MFSD6: variants seen among roughly 807,000 people sequenced by gnomAD.
MFSD6 encodes major facilitator superfamily domain containing 6.
MFSD6 carries 26 observed loss-of-function variants against 56.3 expected under a neutral mutation model. The ratio of observed to expected loss-of-function variants is 0.46; its 90% CI spans 0.34 to 0.64. The LOEUF (loss-of-function observed/expected upper bound fraction) is 0.64, where lower values mean the gene tolerates loss of function less well. Ranked by LOEUF, MFSD6 falls within the 30% of genes least tolerant of loss-of-function variation. The probability of loss-of-function intolerance (pLI) is 0.01; values close to 1 mark genes in which losing one functional copy is unlikely to be tolerated. For synonymous variants in MFSD6, 331 were observed against 366.9 expected (o/e 0.90, Z 1.12); for missense variants, 750 against 986.2 (o/e 0.76, Z 3.21).
rs1685990442 is a variant in MFSD6, at chr2:190,431,368, G to A, written c.-53-4609G>A. Among the ~76,000 whole-genome samples the A allele has an allele frequency of 6.6e-6, 1 of 152,228 alleles. No individual in the cohort carries two copies. Among genetic ancestry groups the A allele is most frequent in the Non-Finnish European group, 1.5e-5 (1 of 68,038 alleles). On this transcript the variant is annotated intron_variant, in intron 2 of 7. Transcript: ENST00000392328. The surrounding 1 kb of genome is among the most constrained non-coding windows in gnomAD (Gnocchi z 4.4). ...CCAAGGCAGGCAGCTGGGAGGTGGA[G>A]GTTGTAGCGAGCCGAGATCACCCCA...
rs1404848482 is a variant in MFSD6 at position 190,471,553 on chromosome 2, G to A, written c.1630+1698G>A. On this transcript the variant is annotated intron_variant, in intron 4 of 7. Transcript: ENST00000392328. The surrounding 1 kb of genome is among the most constrained non-coding windows in gnomAD (Gnocchi z 4.7). ...CAGTGAGGCTGGGGGAGGGGCACCC[G>A]CCATTGCTGAGGCTTGAGTAGGTAA... Among the ~76,000 whole-genome samples, 3 of 152,208 alleles carry A rather than the reference G, an allele frequency of 2.0e-5. No individual in the cohort carries two copies. Among genetic ancestry groups the A allele is most frequent in the African/African-American group, 4.8e-5 (2 of 41,462 alleles).
chr2:190,431,521 A>C lies in MFSD6; in HGVS notation c.-53-4456A>C, dbSNP rs1025529177. Reference sequence around the variant, plus strand: ...AGCTGGAGACTAGCCCGGCCAACACAGCGAAACCCCGTCTCCACCAAAAAA... The same window carrying C: ...AGCTGGAGACTAGCCCGGCCAACACCGCGAAACCCCGTCTCCACCAAAAAA... On this transcript the variant is annotated intron_variant, in intron 2 of 7. Coordinates refer to ENST00000392328, the MANE Select transcript of MFSD6 (RefSeq NM_017694.4). The surrounding 1 kb of genome is among the most constrained non-coding windows in gnomAD (Gnocchi z 4.4). Among the ~76,000 whole-genome samples the C allele has an allele frequency of 1.3e-5, 2 of 152,226 alleles. No homozygotes were observed. Among genetic ancestry groups the C allele is most frequent in the African/African-American group, 2.4e-5 (1 of 41,464 alleles).
Position 190,423,321 on chromosome 2 carries a change from CCTGT to C in MFSD6, c.-54+7911_-54+7914del, listed in dbSNP as rs1336163000. 2.0e-5 allele frequency among the ~76,000 whole-genome samples: 3 copies of C among 152,184 alleles called. No individual in the cohort carries two copies. The highest frequency in any genetic ancestry group is 4.4e-5 in the Non-Finnish European group (3 of 68,026). On this transcript the variant is annotated intron_variant, in intron 2 of 7. Transcript: ENST00000392328. The surrounding 1 kb of genome is among the most constrained non-coding windows in gnomAD (Gnocchi z 4.3). ...CTCTCTAGTGAATTCCTGGCAATCA[CCTGT>C]CTATCTCTATTTCAATGATGTTGTC... is the stretch of plus-strand genomic sequence containing the variant.
In MFSD6 at chr2:190,469,719, C is replaced by CT. The variant is rs777569268; in HGVS notation, c.1533-31dup. The CT allele has an allele frequency of 5.1e-5, 60 of 1,178,632 alleles. No homozygotes were observed. The highest frequency in any genetic ancestry group is 1.3e-4 in the South Asian group (6 of 46,254). 73.0% of individuals were successfully genotyped at this position (1,178,632 alleles called of 1,614,324 possible). On this transcript the variant is annotated intron_variant, in intron 3 of 7. Coordinates refer to ENST00000392328, the MANE Select transcript of MFSD6 (RefSeq NM_017694.4). The surrounding 1 kb of genome is among the most constrained non-coding windows in gnomAD (Gnocchi z 5.3). ...TAGGGACTCAGTTTATTTTCCTTTG[C>CT]TTTTTTTTATTTTATTTTTATTTTT...
In MFSD6 at chr2:190,462,581, C is replaced by T. The variant is rs1453328048; in HGVS notation, c.1533-7177C>T. 6.6e-6 allele frequency among the ~76,000 whole-genome samples: 1 copy of T among 152,162 alleles called. No individual in the cohort carries two copies. The highest frequency in any genetic ancestry group is 2.4e-5 in the African/African-American group (1 of 41,440). ...ACATGGCCGTTGTCTCCCAGGGTCT[C>T]AGTCTTCAGTGTGCAACAGACTGTG... is the stretch of plus-strand genomic sequence containing the variant. On this transcript the variant is annotated intron_variant, in intron 3 of 7. Coordinates refer to ENST00000392328, the MANE Select transcript of MFSD6 (RefSeq NM_017694.4). The surrounding 1 kb of genome is among the most constrained non-coding windows in gnomAD (Gnocchi z 5.7).
At position 190,463,483 on chromosome 2, in the gene MFSD6, G is replaced by GA. The variant is rs199852768; in HGVS notation, c.1533-6266dup. 2.6e-3 allele frequency among the ~76,000 whole-genome samples: 391 copies of GA among 152,068 alleles called. 2 individuals are homozygous for GA. The highest frequency in any genetic ancestry group is 8.8e-3 in the African/African-American group (366 of 41,512). On this transcript the variant is annotated intron_variant, in intron 3 of 7. Transcript: ENST00000392328. This position sits in a 1 kb window ranked among gnomAD's most constrained non-coding sequence, Gnocchi z 4.4. Reference sequence around the variant, plus strand: ...CTAGGAAGACATCTATAACAATTCTGAAAAAAAAATTTTTTTTAGGGACAA... The same window carrying GA: ...CTAGGAAGACATCTATAACAATTCTGAAAAAAAAAATTTTTTTTAGGGACAA...
intron 3 of MFSD6, among the ~76,000 whole-genome samples, chr2:190,440,316 C>A (rs778455700): frequency 6.6e-6 from 1 of 152,206 alleles, no homozygotes; most frequent in Non-Finnish European, 1.5e-5. Context: ...TCTAAACACA[C>A]ACACATAGAG....
At chr2:190,414,289 G>A (rs565587053) in intron 1 of MFSD6, among the ~76,000 whole-genome samples, 2 of 152,152 alleles carry the variant, frequency 1.3e-5, no homozygotes, top group Non-Finnish European at 2.9e-5. Flanking sequence ...ATAAAGAAGC[G>A]CTGTGTTCTT....
Position 190,489,555 on chromosome 2 carries a change from C to G in MFSD6, c.1793-213C>G, listed in dbSNP as rs1040427673. ...TCCTATATAAATGCAGTTTTATAAT[C>G]GATCAATGACAGATCCAATATCAGC... On this transcript the variant is annotated intron_variant, in intron 5 of 7. Transcript: ENST00000392328. This position sits in a 1 kb window ranked among gnomAD's most constrained non-coding sequence, Gnocchi z 6.6. Among the ~76,000 whole-genome samples the G allele has an allele frequency of 6.6e-6, 1 of 152,174 alleles. No individual in the cohort carries two copies. The highest frequency in any genetic ancestry group is 2.4e-5 in the African/African-American group (1 of 41,446).
At chr2:190,414,414 T>C (rs530113620) in intron 1 of MFSD6, among the ~76,000 whole-genome samples, 2 of 152,240 alleles carry the variant, frequency 1.3e-5, no homozygotes, top group Non-Finnish European at 2.9e-5. Context: ...TGAACAAATA[T>C]GCCCCAATTC....
At chr2:190,432,280 T>C (rs1686030700) in intron 2 of MFSD6, among the ~76,000 whole-genome samples, 1 of 152,216 alleles carries the variant, frequency 6.6e-6, no homozygotes, top group South Asian at 2.1e-4. Context: ...GGGAACCTCC[T>C]GAAGAAAGTG....
Position 190,497,873 on chromosome 2 carries a change from T to A in MFSD6, c.2172+154T>A. The A allele has an allele frequency of 2.3e-6, 2 of 868,082 alleles. No individual in the cohort carries two copies. Among genetic ancestry groups the A allele is most frequent in the Non-Finnish European group, 3.5e-6 (2 of 576,694 alleles). The allele number at this position is 868,082 out of a possible 1,614,324, so 53.8% of individuals were successfully genotyped here. A position where few individuals can be genotyped will look rare whatever the true frequency, so the allele number is the denominator to read the frequency against. ...AACAATTTCAGTACTCTGTGAGCAC[T>A]GAGTTAAAGAGGGTGTATACAAGGT... On this transcript the variant is annotated intron_variant, in intron 7 of 7. Coordinates refer to ENST00000392328, the MANE Select transcript of MFSD6 (RefSeq NM_017694.4). This position sits in a 1 kb window ranked among gnomAD's most constrained non-coding sequence, Gnocchi z 5.2.
At chr2:190,460,806 A>G (rs1687291113) in intron 3 of MFSD6, among the ~76,000 whole-genome samples, 1 of 152,208 alleles carries the variant, frequency 6.6e-6, no homozygotes, top group African/African-American at 2.4e-5. Flanking sequence ...CATCCCTGCG[A>G]GTGGGAGGAC....
Position 190,471,484 on chromosome 2 carries a change from C to T in MFSD6, c.1630+1629C>T, listed in dbSNP as rs1252379955. ...GGAGGGTCCTACGCCCACGGAGCCTCCCTCATTGCTAGCACAGCAGTCTGA... is the reference window on the plus strand; with the variant it reads ...GGAGGGTCCTACGCCCACGGAGCCTTCCTCATTGCTAGCACAGCAGTCTGA... On this transcript the variant is annotated intron_variant, in intron 4 of 7. Transcript: ENST00000392328. The surrounding 1 kb of genome is among the most constrained non-coding windows in gnomAD (Gnocchi z 4.7). Among the ~76,000 whole-genome samples, 1 of 152,176 alleles carries T rather than the reference C, an allele frequency of 6.6e-6. No homozygotes were observed. Among genetic ancestry groups the T allele is most frequent in the Non-Finnish European group, 1.5e-5 (1 of 68,028 alleles).
chr2:190,438,734 G>A lies in MFSD6; in HGVS notation c.1532+1173G>A, dbSNP rs1249908955. ...TAAAAGCAACCGTATGTGTTTGTGT[G>A]TATTTAAATCTGCTATTTCTATAAG... On this transcript the variant is annotated intron_variant, in intron 3 of 7. Transcript: ENST00000392328. The surrounding 1 kb of genome is among the most constrained non-coding windows in gnomAD (Gnocchi z 5.2). Among the ~76,000 whole-genome samples the A allele has an allele frequency of 6.6e-6, 1 of 152,198 alleles. No individual in the cohort carries two copies. Among genetic ancestry groups the A allele is most frequent in the East Asian group, 1.9e-4 (1 of 5,200 alleles).
rs1685761815 is a variant in MFSD6 at position 190,425,555 on chromosome 2, C to A, written c.-54+10142C>A. Among the ~76,000 whole-genome samples the A allele has an allele frequency of 6.6e-6, 1 of 152,114 alleles. No homozygotes were observed. Among genetic ancestry groups the A allele is most frequent in the African/African-American group, 2.4e-5 (1 of 41,422 alleles). On this transcript the variant is annotated intron_variant, in intron 2 of 7. Coordinates refer to ENST00000392328, the MANE Select transcript of MFSD6 (RefSeq NM_017694.4). This position sits in a 1 kb window ranked among gnomAD's most constrained non-coding sequence, Gnocchi z 4.3. ...TTACCTCAGAACCTATTTTCTGAGA[C>A]TTTTTCAAATGTTTATTTTATCAAG... is the stretch of plus-strand genomic sequence containing the variant.
chr2:190,469,674 A>T lies in MFSD6; in HGVS notation c.1533-84A>T. On this transcript the variant is annotated intron_variant, in intron 3 of 7. Coordinates refer to ENST00000392328, the MANE Select transcript of MFSD6 (RefSeq NM_017694.4). This position sits in a 1 kb window ranked among gnomAD's most constrained non-coding sequence, Gnocchi z 5.3. ...GGTAGGTAATATTTGCATGTTTTGT[A>T]CACATATTAGATTGTATATTAGGGA... 1.4e-6 allele frequency: 1 copy of T among 732,238 alleles called. No homozygotes were observed. The highest frequency in any genetic ancestry group is 1.9e-6 in the Non-Finnish European group (1 of 519,022). 45.4% of individuals were successfully genotyped at this position (732,238 alleles called of 1,614,324 possible).
At chr2:190,446,230 C>T (rs1037989308) in intron 3 of MFSD6, among the ~76,000 whole-genome samples, 1 of 152,088 alleles carries the variant, frequency 6.6e-6, no homozygotes, top group Admixed American at 6.5e-5. Context: ...TTTTAATAAT[C>T]ATAGAATTAT....
rs1013817974 is a variant in MFSD6 at position 190,500,630 on chromosome 2, A to T, written c.*412A>T. On this transcript the variant is annotated 3_prime_UTR_variant, in exon 8 of 8. Transcript: ENST00000392328. This position sits in a 1 kb window ranked among gnomAD's most constrained non-coding sequence, Gnocchi z 5.3. ...TTATTCTTATTTGGTTCCTAACACA[A>T]ACTGGGAAGAGATAGAATTCATCTA... The T allele has an allele frequency of 3.4e-4, 56 of 163,576 alleles. No homozygotes were observed. Among genetic ancestry groups the T allele is most frequent in the African/African-American group, 1.2e-3 (52 of 41,874 alleles). The allele number at this position is 163,576 out of a possible 1,614,324, so 10.1% of individuals were successfully genotyped here.
Sources: allele counts gnomAD v4.1 joint callset (sites outside exome capture counted in the v4.1 genomes callset), GRCh38; gene constraint gnomAD v4.1.1; non-coding constraint Gnocchi (gnomAD v3.1); transcripts MANE v1.5; gene names NCBI Gene and HGNC (gene_info 2026-07-23, HGNC 2026-07-21).